The following ASRGL1 variants were observed in gnomAD, a reference collection of about 807,000 sequenced individuals.
ASRGL1 encodes the protein asparaginase and isoaspartyl peptidase 1.
In ASRGL1, 16 loss-of-function variants were observed where a neutral mutation model predicts 22.4. The observed-to-expected ratio is 0.71, with a 90% CI of 0.48 to 1.08. The LOEUF is 1.08. Ranked by LOEUF, ASRGL1 falls within the 50% of genes least tolerant of loss-of-function variation. The pLI, the probability that ASRGL1 is intolerant of heterozygous loss-of-function variation, is 0.00. For missense variants in ASRGL1, 412 were observed against 410.1 expected (o/e 1.00, Z -0.04); for synonymous variants, 165 against 159.3 (o/e 1.04, Z -0.27).
intron 5 of ASRGL1, 95 bp from the exon 6 acceptor site, chr11:62,391,427 C>T (rs952661960): frequency 6.8e-7 from 1 of 1,475,426 alleles, no homozygotes; most frequent in Non-Finnish European, 9.1e-7. Flanking sequence ...ACTTGAGCAC[C>T]CTTCGCGATT....
intron 4 of ASRGL1, among the ~76,000 whole-genome samples, chr11:62,361,489 T>A (rs1946432936): frequency 1.4e-5 from 2 of 146,068 alleles, no homozygotes; most frequent in African/African-American, 5.1e-5. Context: ...CAATTTTTTT[T>A]TTTTTTTTTT....
At chr11:62,389,350 C>A in intron 5 of ASRGL1, 99 bp downstream of exon 5, 2 of 1,169,666 alleles carry the variant, frequency 1.7e-6, no homozygotes, top group Non-Finnish European at 1.3e-6. Flanking sequence ...TTGCTGCGTT[C>A]CCTTTCTGCT....
At chr11:62,374,575 C>G (rs1208901285) in intron 4 of ASRGL1, among the ~76,000 whole-genome samples, 1 of 152,092 alleles carries the variant, frequency 6.6e-6, no homozygotes, top group African/African-American at 2.4e-5. Context: ...GTCACTGTCT[C>G]CATGTTAAAA....
rs112463963 is a variant in ASRGL1 at position 62,343,426 on chromosome 11, G to C, written c.190+5259G>C. 1.6e-3 allele frequency among the ~76,000 whole-genome samples: 236 copies of C among 144,812 alleles called. 1 individual carries two copies. The highest frequency in any genetic ancestry group is 7.9e-3 in the East Asian group (38 of 4,816). Reference sequence around the variant, plus strand: ...CTGCCAAACTTTAACATTCCCACTAGCAATGTATGAAAGTTCCACTTACAG... The same window carrying C: ...CTGCCAAACTTTAACATTCCCACTACCAATGTATGAAAGTTCCACTTACAG... On this transcript the variant is annotated intron_variant, in intron 2 of 6. Transcript: ENST00000415229.
intron 4 of ASRGL1, among the ~76,000 whole-genome samples, chr11:62,362,809 G>GACGTACACACACACACACAC (rs1555003152): frequency 1.4e-4 from 1 of 6,972 alleles, no homozygotes; most frequent in East Asian, 3.4e-3. Context: ...TTGCTTATCT[G>GACGTACACACACACACACAC]ACATACACAC....
At chr11:62,357,542 A>G (rs7110781) in intron 4 of ASRGL1, among the ~76,000 whole-genome samples, 129,065 of 151,498 alleles carry the variant, frequency 0.85, 55,448 homozygotes, top group East Asian at 1. Context: ...GATTACAGGC[A>G]TGAGCCACCG....
intron 4 of ASRGL1, among the ~76,000 whole-genome samples, chr11:62,366,561 A>T (rs926323492): frequency 1.2e-4 from 17 of 141,116 alleles, no homozygotes; most frequent in African/African-American, 4.2e-4. Flanking sequence ...AGCATTTTAC[A>T]TTTGTTTATG....
At chr11:62,349,154 A>G (rs1946109611) in intron 2 of ASRGL1, among the ~76,000 whole-genome samples, 1 of 152,040 alleles carries the variant, frequency 6.6e-6, no homozygotes, top group South Asian at 2.1e-4. Flanking sequence ...TTTTTAGTAG[A>G]GACGGGGTTT....
At chr11:62,386,738 G>A (rs2134695775) in intron 4 of ASRGL1, among the ~76,000 whole-genome samples, 1 of 152,318 alleles carries the variant, frequency 6.6e-6, no homozygotes, top group South Asian at 2.1e-4. Flanking sequence ...ATCAGTTTCA[G>A]TAGATACTGT....
intron 4 of ASRGL1, among the ~76,000 whole-genome samples, chr11:62,362,543 AATATATAACATATATTATTTAT>A (rs1278607965): frequency 7.4e-5 from 3 of 40,794 alleles, no homozygotes; most frequent in Admixed American, 1.2e-3. Flanking sequence ...TATTATATAA[AATATATAACATATATTATTTAT>A]ATAATATATA....
At chr11:62,395,189 G>C (rs1000582207), downstream of ASRGL1, among the ~76,000 whole-genome samples, 1 of 152,086 alleles carries the variant, frequency 6.6e-6, no homozygotes. Context: ...CAAATGGCCC[G>C]AAGAACCCAC....
At chr11:62,399,316 C>G in the ASRGL1 span, among the ~76,000 whole-genome samples, 1 of 152,212 alleles carries the variant, frequency 6.6e-6, no homozygotes, top group Non-Finnish European at 1.5e-5. Context: ...TCTCCCCACA[C>G]TCGCCTCCTT....
At position 62,375,349 on chromosome 11, in the gene ASRGL1, G is replaced by GAC. The variant is rs1946886156; in HGVS notation, c.492-13784_492-13783insAC. On this transcript the variant is annotated intron_variant, in intron 4 of 6. Transcript: ENST00000415229. ...AGCTCAGGAAAAAGAATTTGAAAGA[G>GAC]GCTTAGTGTGAAGGGGAATCAAAGA... Among the ~76,000 whole-genome samples the GAC allele has an allele frequency of 3.4e-5, 5 of 148,932 alleles. No homozygotes were observed. In the Admixed American group the frequency reaches 3.4e-4, roughly 10 times the overall value.
At chr11:62,352,448 T>C (rs1398397379) in intron 2 of ASRGL1, among the ~76,000 whole-genome samples, 1 of 152,068 alleles carries the variant, frequency 6.6e-6, no homozygotes, top group East Asian at 1.9e-4. Flanking sequence ...TAGCCGGGTA[T>C]GGTGGCGCAC....
chr11:62,341,513 T>C (rs1945863140), intron 2 of ASRGL1, among the ~76,000 whole-genome samples: 1 of 152,144 alleles, frequency 6.6e-6, no homozygotes. Flanking sequence ...ACAGGATTTT[T>C]TTCATTTATC....
In ASRGL1 at chr11:62,389,238, C is replaced by G; in HGVS notation, c.597C>G (p.Asp199Glu). 6.2e-7 allele frequency: 1 copy of G among 1,613,960 alleles called. No homozygotes were observed. The highest frequency in any genetic ancestry group is 8.5e-7 in the Non-Finnish European group (1 of 1,179,858). ...ATAAAATGGTCGGCCGCGTTGGGGACTCACCGTGTCTAGGTAGGACCAAGG... is the reference window on the plus strand; with the variant it reads ...ATAAAATGGTCGGCCGCGTTGGGGAGTCACCGTGTCTAGGTAGGACCAAGG... ...IVNKMVGRVG[D>E]SPCLGAGGYA... The change falls in exon 5 of 7, where the codon GAC becomes GAG. Residue 199 changes from aspartate (D) to glutamate (E), a missense_variant. Coordinates refer to ENST00000415229, the MANE Select transcript of ASRGL1 (RefSeq NM_001083926.2).
intron 4 of ASRGL1, among the ~76,000 whole-genome samples, chr11:62,366,229 T>C (rs1946607278): frequency 7.4e-6 from 1 of 134,748 alleles, no homozygotes; most frequent in Admixed American, 7.8e-5. Flanking sequence ...ACGACTGCAC[T>C]CCAGCCTGCG....
intron 2 of ASRGL1, among the ~76,000 whole-genome samples, chr11:62,344,815 C>T (rs1945972713): frequency 6.6e-6 from 1 of 152,024 alleles, no homozygotes; most frequent in Admixed American, 6.6e-5. Flanking sequence ...CAAATACTAA[C>T]TCATATTCAT....
chr11:62,371,191 A>G, intron 4 of ASRGL1: 1 of 1,248,260 alleles, frequency 8.0e-7, no homozygotes, highest in South Asian at 1.7e-5. Context: ...GGGCAACGGC[A>G]CTGCCCACGC....
Sources: gnomAD v4.1 joint callset for allele counts (sites outside exome capture counted in the v4.1 genomes callset) on GRCh38, gnomAD v4.1.1 for gene constraint, MANE v1.5 for transcripts, NCBI Gene and HGNC (gene_info 2026-07-23, HGNC 2026-07-21) for gene names.